Variants in PTPRZ1 observed in about 807,000 individuals in gnomAD.
The protein encoded by PTPRZ1 is receptor-type tyrosine-protein phosphatase zeta.
Under a neutral mutation model 214.1 loss-of-function variants are expected in PTPRZ1, and 82 were observed. That is an observed-to-expected ratio of 0.38 (90% CI 0.32 to 0.46). PTPRZ1 has a LOEUF of 0.46. PTPRZ1 is among the 20% of genes least tolerant of loss of function. The pLI, the probability that PTPRZ1 is intolerant of heterozygous loss-of-function variation, is 1.00. For synonymous variants in PTPRZ1, 945 were observed against 987.9 expected, an observed-to-expected ratio of 0.96 and a Z score of 0.81; for missense variants, 2,603 against 2,748.7, an observed-to-expected ratio of 0.95 and a Z score of 1.19.
intron 10 of PTPRZ1, among the ~76,000 whole-genome samples, chr7:122,000,678 TA>T (rs1798293884): frequency 1.0e-5 from 1 of 98,940 alleles, no homozygotes; most frequent in African/African-American, 4.0e-5. Context: ...TATATATATA[TA>T]TATATATATA....
chr7:121,953,050 T>C (rs950189773), intron 2 of PTPRZ1, among the ~76,000 whole-genome samples: 6 of 152,236 alleles, frequency 3.9e-5, no homozygotes, highest in African/African-American at 1.4e-4. Context: ...AGCTGTTTAA[T>C]GTCACATTTG....
intron 11 of PTPRZ1, among the ~76,000 whole-genome samples, chr7:122,006,457 A>T (rs1798488959): frequency 6.6e-6 from 1 of 152,060 alleles, no homozygotes; most frequent in Non-Finnish European, 1.5e-5. Flanking sequence ...TATTAGATCA[A>T]CTTTTTTAGC....
chr7:122,031,022 G>GATGTTTGT (rs1799352322), intron 14 of PTPRZ1, among the ~76,000 whole-genome samples: 1 of 151,938 alleles, frequency 6.6e-6, no homozygotes, highest in Non-Finnish European at 1.5e-5. Context: ...TTGACTGTAA[G>GATGTTTGT]ACATTAAATT....
intron 3 of PTPRZ1, among the ~76,000 whole-genome samples, chr7:121,970,548 G>A (rs991818440): frequency 6.6e-6 from 1 of 152,104 alleles, no homozygotes; most frequent in East Asian, 1.9e-4. Flanking sequence ...TTCTCTGATG[G>A]CCAGTGATGG....
At chr7:121,931,689 A>G (rs1258873847) in intron 2 of PTPRZ1, among the ~76,000 whole-genome samples, 1 of 152,140 alleles carries the variant, frequency 6.6e-6, no homozygotes, top group African/African-American at 2.4e-5. Flanking sequence ...ATTGTGCAAT[A>G]TCTTATTATC....
chr7:122,041,018 C>T, intron 21 of PTPRZ1, 39 bp downstream of exon 21: 2 of 1,393,472 alleles, frequency 1.4e-6, no homozygotes, highest in South Asian at 2.0e-5. Context: ...CATAGAATTG[C>T]TTATACTTGC....
At chr7:121,947,257 T>TA (rs10706102) in intron 2 of PTPRZ1, among the ~76,000 whole-genome samples, 238 of 145,084 alleles carry the variant, frequency 1.6e-3, no homozygotes, top group Middle Eastern at 0.011. Flanking sequence ...TTTAAAATTA[T>TA]AAAAAAAAAA....
At chr7:121,946,648 C>G (rs566005210) in intron 2 of PTPRZ1, among the ~76,000 whole-genome samples, 1 of 152,044 alleles carries the variant, frequency 6.6e-6, no homozygotes, top group Non-Finnish European at 1.5e-5. Flanking sequence ...GCTATAACTT[C>G]AAAATACCTC....
intron 22 of PTPRZ1, among the ~76,000 whole-genome samples, chr7:122,043,859 C>A (rs573995160): frequency 6.6e-6 from 1 of 152,162 alleles, no homozygotes; most frequent in East Asian, 1.9e-4. Flanking sequence ...ACAACAAACC[C>A]CCATGACACA....
intron 1 of PTPRZ1, among the ~76,000 whole-genome samples, chr7:121,921,650 C>T (rs147451877): frequency 0.012 from 1,812 of 152,090 alleles, 23 homozygotes; most frequent in Non-Finnish European, 0.019. Context: ...TCTTATTTTG[C>T]ATAAAGTTTC....
chr7:122,028,709 G>A, intron 14 of PTPRZ1, 66 bp downstream of exon 14: 1 of 1,302,816 alleles, frequency 7.7e-7, no homozygotes, highest in Non-Finnish European at 1.1e-6. Flanking sequence ...ATGTTGAAAG[G>A]TTTGTTTTTA....
At chr7:122,033,616 G>T (rs1799449849) in intron 15 of PTPRZ1, among the ~76,000 whole-genome samples, 2 of 151,958 alleles carry the variant, frequency 1.3e-5, no homozygotes, top group African/African-American at 2.4e-5. Flanking sequence ...AATGATTAAT[G>T]TTTTGATAGC....
At chr7:121,923,099 C>T (rs557752786) in intron 1 of PTPRZ1, among the ~76,000 whole-genome samples, 6 of 152,242 alleles carry the variant, frequency 3.9e-5, no homozygotes, top group Non-Finnish European at 8.8e-5. Context: ...TGAGCGCTCC[C>T]TGGACTGTCA....
intron 9 of PTPRZ1, 111 bp downstream of exon 9, chr7:121,996,677 G>A (rs894061582): frequency 4.0e-5 from 33 of 835,054 alleles, no homozygotes; most frequent in Non-Finnish European, 6.9e-6. Context: ...TAGACTTTAT[G>A]TGAAGGTGGG....
intron 2 of PTPRZ1, among the ~76,000 whole-genome samples, chr7:121,934,563 A>AC (rs549286026): frequency 4.3e-4 from 65 of 151,798 alleles, no homozygotes; most frequent in African/African-American, 1.5e-3. Flanking sequence ...ATAATGCCCA[A>AC]CTTAATTGTG....
intron 2 of PTPRZ1, among the ~76,000 whole-genome samples, chr7:121,945,814 C>G (rs528837427): frequency 6.6e-6 from 1 of 152,134 alleles, no homozygotes; most frequent in Non-Finnish European, 1.5e-5. Flanking sequence ...GAAAACTCCT[C>G]GTAGTTTAAA....
intron 1 of PTPRZ1, among the ~76,000 whole-genome samples, chr7:121,905,013 T>C (rs984283242): frequency 3.3e-5 from 5 of 152,232 alleles, no homozygotes; most frequent in African/African-American, 9.6e-5. Flanking sequence ...GTTAAAGATA[T>C]TGTAAATGAA....
intron 1 of PTPRZ1, among the ~76,000 whole-genome samples, chr7:121,914,584 C>T (rs943936044): frequency 6.6e-6 from 1 of 151,980 alleles, no homozygotes; most frequent in African/African-American, 2.4e-5. Flanking sequence ...ATCCTTGGGA[C>T]GTGCCTTGAA....
chr7:122,020,569 C>T (rs546650403), intron 13 of PTPRZ1, among the ~76,000 whole-genome samples: 5 of 152,194 alleles, frequency 3.3e-5, no homozygotes, highest in South Asian at 2.1e-4. Context: ...TTGGATGTTT[C>T]GGACACAGTG....
Sources: gnomAD v4.1 joint callset for allele counts (sites outside exome capture counted in the v4.1 genomes callset) on GRCh38, gnomAD v4.1.1 for gene constraint, MANE v1.5 for transcripts, NCBI Gene and HGNC (gene_info 2026-07-23, HGNC 2026-07-21) for gene names.